The following FBXW8 variants were observed in gnomAD, a reference collection of about 807,000 sequenced individuals.
FBXW8 encodes the protein F-box/WD repeat-containing protein 8.
In FBXW8, 57 loss-of-function variants were observed where a neutral mutation model predicts 65.3. That is an observed-to-expected ratio of 0.87 (90% confidence interval 0.71 to 1.09). The LOEUF (loss-of-function observed/expected upper bound fraction) is 1.09, where lower values mean the gene tolerates loss of function less well. Ranked by LOEUF, FBXW8 falls within the 50% of genes least tolerant of loss-of-function variation. The pLI is 0.00. For synonymous variants in FBXW8, 308 were observed against 330.2 expected (o/e 0.93, Z 0.73); for missense variants, 777 against 814.8 (o/e 0.95, Z 0.57).
chr12:116,928,058 A>G lies in FBXW8; in HGVS notation c.354A>G (p.Gln118=), dbSNP rs369352345. The change falls in exon 2 of 11, where the codon CAA becomes CAG. Residue 118 remains glutamine (Q), a synonymous_variant. Coordinates refer to ENST00000652555, the MANE Select transcript of FBXW8 (RefSeq NM_153348.3). ...ATGATGTGCCTTTCTTTGATATCCA[A>G]CTGCCTTACGAATTGGCAATCAATA... ...EMNDVPFFDI[Q]LPYELAINIF... is the part of the protein sequence containing the mutation. The G allele has an allele frequency of 3.1e-6, 5 of 1,610,652 alleles. No homozygotes were observed. In the Admixed American group the frequency reaches 6.7e-5, roughly 22 times the overall value.
chr12:116,923,796 C>G lies in FBXW8; in HGVS notation c.319-4227C>G, dbSNP rs1050373744. 1.6e-4 allele frequency among the ~76,000 whole-genome samples: 24 copies of G among 152,276 alleles called. No individual in the cohort carries two copies. In the East Asian group the frequency reaches 4.3e-3, roughly 27 times the overall value. ...AGTGCAGTGGCGCGATCTCGGCTCA[C>G]TGCAAGCTCCGCCTCCCAAGTTCAC... On this transcript the variant is annotated intron_variant, in intron 1 of 10. Transcript: ENST00000652555.
At position 117,023,668 on chromosome 12, in the gene FBXW8, C is replaced by T. The variant is rs149559506; in HGVS notation, c.1368-479C>T. On this transcript the variant is annotated intron_variant, in intron 8 of 10. Coordinates refer to ENST00000652555, the MANE Select transcript of FBXW8 (RefSeq NM_153348.3). ...TTTCCCTTTCTCAGTTCCAGCAAGACAGCAATGAACTTACAAAGTCAAGTG... is the reference window on the plus strand; with the variant it reads ...TTTCCCTTTCTCAGTTCCAGCAAGATAGCAATGAACTTACAAAGTCAAGTG... Among the ~76,000 whole-genome samples the T allele has an allele frequency of 5.7e-3, 873 of 152,334 alleles. 4 individuals are homozygous for T. Among genetic ancestry groups the T allele is most frequent in the Non-Finnish European group, 7.2e-3 (488 of 68,034 alleles).
intron 2 of FBXW8, 147 bp downstream of exon 2, chr12:116,928,274 C>T: frequency 1.5e-6 from 1 of 650,432 alleles, no homozygotes; most frequent in Non-Finnish European, 2.7e-6. Flanking sequence ...AGGAAAGCCA[C>T]CTTGACCTTA....
chr12:116,918,000 A>C (rs540678913), intron 1 of FBXW8, among the ~76,000 whole-genome samples: 16 of 151,414 alleles, frequency 1.1e-4, no homozygotes, highest in Non-Finnish European at 2.1e-4. Flanking sequence ...TCAAAAAAAA[A>C]AAAACAAAAA....
chr12:116,937,409 G>A (rs908899752), intron 2 of FBXW8, among the ~76,000 whole-genome samples: 15 of 152,194 alleles, frequency 9.9e-5, no homozygotes, highest in African/African-American at 3.4e-4. Context: ...AAGGATTAGA[G>A]GCCGTGGACA....
chr12:116,999,867 T>G (rs1026886398), intron 7 of FBXW8, among the ~76,000 whole-genome samples: 1 of 152,234 alleles, frequency 6.6e-6, no homozygotes, highest in African/African-American at 2.4e-5. Context: ...TGTCTTGCCA[T>G]GTCCTTTTGA....
At chr12:116,995,615 C>T (rs1253402598) in intron 7 of FBXW8, among the ~76,000 whole-genome samples, 1 of 152,158 alleles carries the variant, frequency 6.6e-6, no homozygotes, top group African/African-American at 2.4e-5. Context: ...GGAAGAAGGG[C>T]TGCTTGATGG....
chr12:116,977,952 A>G (rs550351476), intron 5 of FBXW8: 2 of 152,244 alleles, frequency 1.3e-5, no homozygotes, highest in South Asian at 2.1e-4. Flanking sequence ...AATATATTCA[A>G]TCTTACTTCC....
chr12:116,923,765 G>A (rs923109638), intron 1 of FBXW8, among the ~76,000 whole-genome samples: 10 of 151,676 alleles, frequency 6.6e-5, no homozygotes, highest in Non-Finnish European at 1.5e-4. Context: ...CTGTCGCCCG[G>A]GCTGGAGTGC....
chr12:117,026,228 C>T (rs925561070), intron 9 of FBXW8, among the ~76,000 whole-genome samples: 1 of 152,082 alleles, frequency 6.6e-6, no homozygotes, highest in African/African-American at 2.4e-5. Flanking sequence ...CCTCCCTCCC[C>T]GGGTCTTTCT....
chr12:117,020,106 A>G (rs139590540), intron 8 of FBXW8, among the ~76,000 whole-genome samples: 2 of 152,328 alleles, frequency 1.3e-5, no homozygotes, highest in East Asian at 3.9e-4. Context: ...GCTGCCAGTC[A>G]GCCTGTGTAG....
At chr12:116,950,418 T>C (rs887857751) in intron 4 of FBXW8, 1 of 152,240 alleles carries the variant, frequency 6.6e-6, no homozygotes, top group Non-Finnish European at 1.5e-5. Context: ...CTTAAATTTC[T>C]TAGTTTGGAT....
rs947648635 is a variant in FBXW8, at chr12:116,936,663, A to G, written c.423+8536A>G. 3.9e-5 allele frequency among the ~76,000 whole-genome samples: 6 copies of G among 152,184 alleles called. No individual in the cohort carries two copies. The highest frequency in any genetic ancestry group is 1.4e-4 in the African/African-American group (6 of 41,444). ...CTCCGGAAGGAATGCAGCCCTGCCCACACCTTGCTTTTACACTTCTGGTCT... is the reference window on the plus strand; with the variant it reads ...CTCCGGAAGGAATGCAGCCCTGCCCGCACCTTGCTTTTACACTTCTGGTCT... On this transcript the variant is annotated intron_variant, in intron 2 of 10. Transcript: ENST00000652555. This position sits in a 1 kb window ranked among gnomAD's most constrained non-coding sequence, Gnocchi z 4.6.
chr12:116,963,798 C>T (rs956818274), intron 4 of FBXW8, among the ~76,000 whole-genome samples: 2 of 152,182 alleles, frequency 1.3e-5, no homozygotes, highest in African/African-American at 4.8e-5. Context: ...AATCATTGGC[C>T]TATCTTTGTG....
chr12:116,959,423 G>C (rs1592890615), intron 4 of FBXW8, among the ~76,000 whole-genome samples: 1 of 152,276 alleles, frequency 6.6e-6, no homozygotes, highest in East Asian at 1.9e-4. Context: ...TTTGATCCCA[G>C]CTGTGCCACT....
intron 5 of FBXW8, among the ~76,000 whole-genome samples, chr12:116,969,820 C>CA (rs1884544000): frequency 6.6e-6 from 1 of 151,940 alleles, no homozygotes; most frequent in Admixed American, 6.6e-5. Context: ...GAACACTGTA[C>CA]ATGCACCTGG....
intron 2 of FBXW8, among the ~76,000 whole-genome samples, chr12:116,930,225 T>G (rs1881663113): frequency 6.6e-6 from 1 of 152,236 alleles, no homozygotes; most frequent in African/African-American, 2.4e-5. Flanking sequence ...GTAGTTATAT[T>G]TTTAATATTC....
chr12:116,942,133 A>G (rs1318057386), intron 2 of FBXW8, among the ~76,000 whole-genome samples: 1 of 151,778 alleles, frequency 6.6e-6, no homozygotes, highest in East Asian at 1.9e-4. Context: ...GACTGAAGCA[A>G]TCCTCCTGCC....
intron 3 of FBXW8, among the ~76,000 whole-genome samples, chr12:116,947,451 C>G (rs1000027236): frequency 6.6e-6 from 1 of 152,072 alleles, no homozygotes; most frequent in Non-Finnish European, 1.5e-5. Context: ...AAAGCCTTAT[C>G]AAAACATGAA....
Sources: gnomAD v4.1 joint callset for allele counts (sites outside exome capture counted in the v4.1 genomes callset) on GRCh38, gnomAD v4.1.1 for gene constraint, Gnocchi (gnomAD v3.1) non-coding constraint, MANE v1.5 for transcripts, NCBI Gene and HGNC (gene_info 2026-07-23, HGNC 2026-07-21) for gene names.